Variants in HHAT observed in about 807,000 individuals in gnomAD.
The protein encoded by HHAT is hedgehog acyltransferase.
Under a neutral mutation model 70.8 loss-of-function variants are expected in HHAT, and 47 were observed. The ratio of observed to expected loss-of-function variants is 0.66; its 90% CI spans 0.53 to 0.85. HHAT has a LOEUF of 0.85. HHAT is among the 40% of genes least tolerant of loss of function. The pLI, the probability that HHAT is intolerant of heterozygous loss-of-function variation, is 0.00. For missense variants in HHAT, 609 were observed against 604.8 expected, an observed-to-expected ratio of 1.01 and a Z score of -0.07; for synonymous variants, 228 against 247.6, an observed-to-expected ratio of 0.92 and a Z score of 0.74.
intron 11 of HHAT, among the ~76,000 whole-genome samples, chr1:210,636,323 G>C (rs1398312337): frequency 1.4e-4 from 21 of 152,136 alleles, no homozygotes; most frequent in Admixed American, 1.4e-3. Flanking sequence ...TTTGGAGGTG[G>C]GAACTAGGTT....
At chr1:210,329,563 CT>C in intron 1 of HHAT, 2 of 871,470 alleles carry the variant, frequency 2.3e-6, no homozygotes, top group Non-Finnish European at 2.8e-6. Flanking sequence ...GGTGGCAGGT[CT>C]TTATGCGGAA....
chr1:210,666,906 C>T (rs894966104), intron 11 of HHAT, among the ~76,000 whole-genome samples: 3 of 151,548 alleles, frequency 2.0e-5, no homozygotes, highest in African/African-American at 7.3e-5. Context: ...TGGTGAAACC[C>T]CATCTCTACT....
chr1:210,556,549 G>C (rs1415236383), intron 9 of HHAT, among the ~76,000 whole-genome samples: 1 of 152,116 alleles, frequency 6.6e-6, no homozygotes, highest in Non-Finnish European at 1.5e-5. Flanking sequence ...CATCGCCTTT[G>C]GGCTTCCAAA....
chr1:210,412,289 C>T (rs1016862819), intron 6 of HHAT, among the ~76,000 whole-genome samples: 13 of 152,116 alleles, frequency 8.5e-5, no homozygotes, highest in Non-Finnish European at 1.8e-4. Context: ...AAATTAATGG[C>T]CTCCTTACAT....
At chr1:210,618,014 G>A (rs527637326) in intron 10 of HHAT, among the ~76,000 whole-genome samples, 12 of 152,318 alleles carry the variant, frequency 7.9e-5, no homozygotes, top group African/African-American at 2.9e-4. Context: ...TAGGATATGC[G>A]TGGTTCTTGG....
chr1:210,448,423 T>C (rs1025088324), intron 7 of HHAT, among the ~76,000 whole-genome samples: 3 of 152,128 alleles, frequency 2.0e-5, no homozygotes, highest in Non-Finnish European at 4.4e-5. Context: ...TGTGTGTGCA[T>C]ATGAGGGTTT....
rs540217270 is a variant in HHAT at position 210,614,739 on chromosome 1, A to T, written c.1246-8787A>T. Among the ~76,000 whole-genome samples the T allele has an allele frequency of 7.3e-3, 1,110 of 152,208 alleles. 14 individuals are homozygous for T. The highest frequency in any genetic ancestry group is 0.024 in the African/African-American group (1,011 of 41,518). On this transcript the variant is annotated intron_variant, in intron 10 of 11. Coordinates refer to ENST00000261458, the MANE Select transcript of HHAT (RefSeq NM_018194.6). ...ATCCATGTCCCTACAAAGGACATGA[A>T]CTCATCATTTTTTATGGCTGCATAG...
At chr1:210,350,732 T>C (rs1033610960) in intron 2 of HHAT, among the ~76,000 whole-genome samples, 3 of 152,232 alleles carry the variant, frequency 2.0e-5, no homozygotes, top group Non-Finnish European at 4.4e-5. Flanking sequence ...TTCAATCTTA[T>C]ATACCTTTTC....
At chr1:210,506,838 G>A (rs2094864362) in intron 8 of HHAT, among the ~76,000 whole-genome samples, 1 of 152,116 alleles carries the variant, frequency 6.6e-6, no homozygotes, top group African/African-American at 2.4e-5. Context: ...TTCACTCAAC[G>A]ACATTTATTG....
chr1:210,587,223 T>G (rs1660653525), intron 9 of HHAT, among the ~76,000 whole-genome samples: 1 of 152,208 alleles, frequency 6.6e-6, no homozygotes, highest in Admixed American at 6.5e-5. Flanking sequence ...GAAAAAACAC[T>G]TTAATGGATT....
chr1:210,514,562 C>G (rs886412364), intron 9 of HHAT, among the ~76,000 whole-genome samples: 7 of 152,098 alleles, frequency 4.6e-5, no homozygotes, highest in Non-Finnish European at 1.0e-4. Flanking sequence ...CAAGTTTGTA[C>G]TCTTCTTATT....
chr1:210,474,295 ATTAT>A (rs902766999), intron 8 of HHAT, among the ~76,000 whole-genome samples: 10 of 152,016 alleles, frequency 6.6e-5, no homozygotes, highest in African/African-American at 9.7e-5. Flanking sequence ...ATAAATAATA[ATTAT>A]TTATTTTCTG....
intron 8 of HHAT, among the ~76,000 whole-genome samples, chr1:210,496,409 G>A (rs1415920952): frequency 6.6e-6 from 1 of 152,114 alleles, no homozygotes; most frequent in African/African-American, 2.4e-5. Context: ...TCAAAAGTAA[G>A]AGTATCAGAT....
At chr1:210,594,153 T>C (rs1326381079) in intron 10 of HHAT, among the ~76,000 whole-genome samples, 1 of 152,206 alleles carries the variant, frequency 6.6e-6, no homozygotes, top group African/African-American at 2.4e-5. Context: ...CAGTTTAGTC[T>C]ATTTACATTC....
At chr1:210,667,291 A>G (rs1679114557) in intron 11 of HHAT, among the ~76,000 whole-genome samples, 1 of 152,098 alleles carries the variant, frequency 6.6e-6, no homozygotes, top group Non-Finnish European at 1.5e-5. Context: ...CTGAGGCAGG[A>G]GAATCACTTG....
intron 3 of HHAT, among the ~76,000 whole-genome samples, chr1:210,373,498 A>G (rs2089765192): frequency 6.6e-6 from 1 of 152,288 alleles, no homozygotes. Context: ...GAAGATGTAA[A>G]GTGGGGTGTC....
intron 7 of HHAT, among the ~76,000 whole-genome samples, chr1:210,419,870 C>T (rs2092841374): frequency 6.6e-6 from 1 of 152,138 alleles, no homozygotes; most frequent in African/African-American, 2.4e-5. Context: ...GGGATACAAA[C>T]TAAGGGACTG....
intron 9 of HHAT, among the ~76,000 whole-genome samples, chr1:210,544,018 G>A (rs2095457667): frequency 6.6e-6 from 1 of 152,206 alleles, no homozygotes; most frequent in Admixed American, 6.5e-5. Context: ...CAGGTGGCCT[G>A]TGAGCTGTCT....
At chr1:210,439,419 C>T (rs1186664602) in intron 7 of HHAT, among the ~76,000 whole-genome samples, 1 of 151,808 alleles carries the variant, frequency 6.6e-6, no homozygotes, top group East Asian at 1.9e-4. Flanking sequence ...GGTTTCCAAA[C>T]TCATACAGTC....
Sources: allele counts gnomAD v4.1 joint callset (sites outside exome capture counted in the v4.1 genomes callset), GRCh38; gene constraint gnomAD v4.1.1; transcripts MANE v1.5; gene names NCBI Gene and HGNC (gene_info 2026-07-23, HGNC 2026-07-21).